TUSC3: variants seen among roughly 807,000 people sequenced by gnomAD.
TUSC3 encodes the protein tumor suppressor candidate 3.
A neutral mutation model predicts 44.8 loss-of-function variants in TUSC3; 45 were observed. That is an observed-to-expected ratio of 1.00 (90% CI 0.79 to 1.29). TUSC3 has a LOEUF of 1.29. TUSC3 is among the 50% of genes most tolerant of loss of function. The pLI is 0.00. For synonymous variants in TUSC3, 212 were observed against 152.9 expected, an observed-to-expected ratio of 1.39 and a Z score of -2.85; for missense variants, 519 against 437.9, an observed-to-expected ratio of 1.19 and a Z score of -1.65.
chr8:15,567,573 C>T (rs1271474973), intron 1 of TUSC3, among the ~76,000 whole-genome samples: 1 of 152,120 alleles, frequency 6.6e-6, no homozygotes, highest in African/African-American at 2.4e-5. Context: ...CTGAGTAGCT[C>T]TCTTGTATCG....
intron 1 of TUSC3, among the ~76,000 whole-genome samples, chr8:15,570,954 GT>G (rs549277334): frequency 0.038 from 1,704 of 44,482 alleles, 91 homozygotes; most frequent in African/African-American, 0.082. Flanking sequence ...TTGCCTATTA[GT>G]TTTTTTTTTT....
At chr8:15,543,459 T>C (rs1801756322) in intron 1 of TUSC3, among the ~76,000 whole-genome samples, 1 of 152,154 alleles carries the variant, frequency 6.6e-6, no homozygotes, top group Non-Finnish European at 1.5e-5. Context: ...CAATTCAGCC[T>C]CTAATTTTAT....
At chr8:15,729,077 A>G (rs1162891117) in intron 6 of TUSC3, among the ~76,000 whole-genome samples, 4 of 152,138 alleles carry the variant, frequency 2.6e-5, no homozygotes, top group Admixed American at 2.6e-4. Context: ...AGAGATTATA[A>G]ATCACTCACC....
intron 10 of TUSC3, among the ~76,000 whole-genome samples, chr8:15,763,714 C>T (rs1812244009): frequency 6.6e-6 from 1 of 151,938 alleles, no homozygotes; most frequent in East Asian, 1.9e-4. Flanking sequence ...GATGTTTCAT[C>T]AGAAATTTTA....
At chr8:15,479,580 G>T (rs1317932253) in intron 1 of TUSC3, among the ~76,000 whole-genome samples, 1 of 152,130 alleles carries the variant, frequency 6.6e-6, no homozygotes, top group African/African-American at 2.4e-5. Flanking sequence ...GTTTGTCAAA[G>T]ATCAGATGGT....
chr8:15,558,950 C>A (rs963028053), intron 1 of TUSC3, among the ~76,000 whole-genome samples: 5 of 150,858 alleles, frequency 3.3e-5, no homozygotes, highest in African/African-American at 1.2e-4. Context: ...TTTCAAAAAA[C>A]CAGCTCCTGG....
intron 1 of TUSC3, among the ~76,000 whole-genome samples, chr8:15,428,883 T>G (rs2129116523): frequency 6.6e-6 from 1 of 152,318 alleles, no homozygotes; most frequent in East Asian, 1.9e-4. Flanking sequence ...CTTTGTCAGA[T>G]GAGTAGGTTG....
chr8:15,744,114 A>G (rs73665494), intron 8 of TUSC3, among the ~76,000 whole-genome samples: 30 of 152,288 alleles, frequency 2.0e-4, no homozygotes, highest in African/African-American at 6.7e-4. Context: ...AAAGGCATCT[A>G]TTGATACTAT....
the TUSC3 span, among the ~76,000 whole-genome samples, chr8:15,792,665 G>A: frequency 6.6e-6 from 1 of 151,926 alleles, no homozygotes; most frequent in Non-Finnish European, 1.5e-5. Context: ...ACCCAGGCTG[G>A]AGTGCAGTGG....
At chr8:15,569,721 T>C (rs1563294925) in intron 1 of TUSC3, among the ~76,000 whole-genome samples, 1 of 152,120 alleles carries the variant, frequency 6.6e-6, no homozygotes, top group East Asian at 1.9e-4. Context: ...AATGGATACA[T>C]AGTGTTTGAT....
intron 6 of TUSC3, among the ~76,000 whole-genome samples, chr8:15,719,497 A>T (rs1810207987): frequency 7.7e-6 from 1 of 129,930 alleles, no homozygotes; most frequent in Non-Finnish European, 1.5e-5. Flanking sequence ...ACAGTTCATC[A>T]CACACACACA....
chr8:15,641,338 C>A (rs569223581), intron 2 of TUSC3, among the ~76,000 whole-genome samples: 2 of 129,648 alleles, frequency 1.5e-5, no homozygotes, highest in African/African-American at 6.1e-5. Context: ...TCCGGCCTGG[C>A]GACAGAGAGA....
chr8:15,720,187 A>AGT lies in TUSC3; in HGVS notation c.799-10476_799-10475dup, dbSNP rs1467740910. Among the ~76,000 whole-genome samples the AGT allele has an allele frequency of 7.8e-4, 93 of 118,866 alleles. 1 individual carries two copies. The highest frequency in any genetic ancestry group is 4.6e-3 in the Middle Eastern group (1 of 218). 78.0% of individuals were successfully genotyped at this position (118,866 alleles called of 152,430 possible). ...GAAGTGATATATCATTGTTAAATAT[A>AGT]GTGTATATATATATACACACACACA... On this transcript the variant is annotated intron_variant, in intron 6 of 10. Transcript: ENST00000503731.
At chr8:15,705,123 T>G (rs1809564915) in intron 6 of TUSC3, among the ~76,000 whole-genome samples, 1 of 152,088 alleles carries the variant, frequency 6.6e-6, no homozygotes, top group East Asian at 1.9e-4. Context: ...GTGCATGATT[T>G]TTTTTTTCTC....
intron 6 of TUSC3, among the ~76,000 whole-genome samples, chr8:15,680,756 T>TA (rs1292486852): frequency 6.6e-6 from 1 of 152,082 alleles, no homozygotes; most frequent in Non-Finnish European, 1.5e-5. Context: ...TATTTTGAAG[T>TA]ATATTCCTTT....
intron 1 of TUSC3, among the ~76,000 whole-genome samples, chr8:15,567,356 T>C (rs1337753111): frequency 6.6e-6 from 1 of 152,176 alleles, no homozygotes; most frequent in Non-Finnish European, 1.5e-5. Context: ...GCACAGTAGT[T>C]TAAAACGTTT....
chr8:15,649,440 C>T (rs866914744), intron 2 of TUSC3, among the ~76,000 whole-genome samples: 15 of 152,066 alleles, frequency 9.9e-5, no homozygotes, highest in Non-Finnish European at 1.6e-4. Context: ...AAAAATTAGC[C>T]GGGCTTGGTG....
rs746926833 is a variant in TUSC3, at chr8:15,495,815, C to G, written n.189+12332C>G. Among the ~76,000 whole-genome samples the G allele has an allele frequency of 2.5e-4, 38 of 152,140 alleles. 1 individual carries two copies. The highest frequency in any genetic ancestry group is 4.9e-4 in the Non-Finnish European group (33 of 68,024). ...AGGCTTATATTGGAGAAATTGCACTCAGACTTATAACCATCCACTTTTAGT... is the reference window on the plus strand; with the variant it reads ...AGGCTTATATTGGAGAAATTGCACTGAGACTTATAACCATCCACTTTTAGT... On this transcript the variant is annotated intron_variant and non_coding_transcript_variant, in intron 2 of 5. Coordinates refer to the TUSC3 transcript ENST00000503191.
rs904083453 is a variant in TUSC3 at position 15,448,174 on chromosome 8, A to C, written n.91+30869A>C. ...TGCTCTGTCATCCAGGCTAGAGTGC[A>C]GTGGCACGATCTCAGCTCACTGCAA... is the stretch of plus-strand genomic sequence containing the variant. On this transcript the variant is annotated intron_variant and non_coding_transcript_variant, in intron 1 of 5. Coordinates refer to the TUSC3 transcript ENST00000503191. Among the ~76,000 whole-genome samples, 4 of 134,796 alleles carry C rather than the reference A, an allele frequency of 3.0e-5. No homozygotes were observed. In the East Asian group the frequency reaches 8.4e-4, roughly 28 times the overall value. 88.4% of individuals were successfully genotyped at this position (134,796 alleles called of 152,430 possible).
Sources: allele counts gnomAD v4.1 joint callset (sites outside exome capture counted in the v4.1 genomes callset), GRCh38; gene constraint gnomAD v4.1.1; transcripts MANE v1.5; gene names NCBI Gene and HGNC (gene_info 2026-07-23, HGNC 2026-07-21).